ITPR2: variants seen among roughly 807,000 people sequenced by gnomAD.
ITPR2 encodes the protein inositol 1,4,5-trisphosphate receptor type 2, also known as inositol 1,4,5-trisphosphate-gated calcium channel ITPR2.
Under a neutral mutation model 317.1 loss-of-function variants are expected in ITPR2, and 207 were observed. The ratio of observed to expected loss-of-function variants is 0.65; its 90% CI spans 0.58 to 0.73. The LOEUF is 0.73. Among genes scored for constraint, ITPR2 ranks in the 30% least tolerant of loss-of-function variants. The probability of loss-of-function intolerance (pLI) is 0.00; values close to 1 mark genes in which losing one functional copy is unlikely to be tolerated. For synonymous variants in ITPR2, 1,156 were observed against 1,149.1 expected, an observed-to-expected ratio of 1.01 and a Z score of -0.12; for missense variants, 2,613 against 3,284.0, an observed-to-expected ratio of 0.80 and a Z score of 4.99.
At chr12:26,626,033 C>T (rs1313788006) in intron 23 of ITPR2, among the ~76,000 whole-genome samples, 4 of 152,194 alleles carry the variant, frequency 2.6e-5, no homozygotes, top group Non-Finnish European at 4.4e-5. Flanking sequence ...ACAACTTCAA[C>T]TCACTGCAGC....
chr12:26,572,993 TTTCA>T (rs1591916485), intron 34 of ITPR2, among the ~76,000 whole-genome samples: 4 of 150,876 alleles, frequency 2.7e-5, no homozygotes, highest in East Asian at 1.9e-4. Flanking sequence ...GAAACTTGGA[TTTCA>T]TTTATTTATT....
intron 51 of ITPR2, among the ~76,000 whole-genome samples, chr12:26,414,056 C>CAT (rs1940643081): frequency 7.0e-6 from 1 of 143,176 alleles, no homozygotes; most frequent in African/African-American, 2.6e-5. Context: ...TATGTACACA[C>CAT]ACACACACAC....
At chr12:26,687,309 A>G (rs1948145933) in intron 10 of ITPR2, among the ~76,000 whole-genome samples, 1 of 152,184 alleles carries the variant, frequency 6.6e-6, no homozygotes, top group Admixed American at 6.5e-5. Context: ...TACCCCATGG[A>G]AGAACTGGTT....
At chr12:26,486,412 T>TAAA in intron 40 of ITPR2, 52 bp from the exon 41 acceptor site, 1 of 1,218,418 alleles carries the variant, frequency 8.2e-7, no homozygotes, top group South Asian at 1.7e-5. Context: ...CTTTTACTAA[T>TAAA]TAAAAAAAAA....
chr12:26,528,830 G>A lies in ITPR2; in HGVS notation c.5073+21417C>T, dbSNP rs74072171. On this transcript the variant is annotated intron_variant, in intron 37 of 56. Coordinates refer to ENST00000381340, the MANE Select transcript of ITPR2 (RefSeq NM_002223.4). Reference sequence around the variant, plus strand: ...CATTTGCTGTGCTGTGTTGTGCACTGGAGGCACAGGGTGGGTGAGGTTCCT... The same window carrying A: ...CATTTGCTGTGCTGTGTTGTGCACTAGAGGCACAGGGTGGGTGAGGTTCCT... Among the ~76,000 whole-genome samples, 607 of 152,302 alleles carry A rather than the reference G, an allele frequency of 4.0e-3. 3 individuals are homozygous for A. Among genetic ancestry groups the A allele is most frequent in the African/African-American group, 0.014 (570 of 41,574 alleles).
At chr12:26,810,724 C>T (rs1950721318) in intron 1 of ITPR2, among the ~76,000 whole-genome samples, 1 of 152,214 alleles carries the variant, frequency 6.6e-6, no homozygotes. Flanking sequence ...GTATGGACAT[C>T]TTGACTTAGA....
chr12:26,599,909 A>C, intron 29 of ITPR2, 78 bp downstream of exon 29: 1 of 1,070,110 alleles, frequency 9.3e-7, no homozygotes, highest in Non-Finnish European at 1.3e-6. Flanking sequence ...AGTGTAACAA[A>C]ATTCTCTTCA....
intron 15 of ITPR2, among the ~76,000 whole-genome samples, chr12:26,660,582 ATTGGT>A (rs1198879272): frequency 1.5e-4 from 23 of 152,216 alleles, no homozygotes; most frequent in Admixed American, 1.2e-3. Context: ...TGAAAATGAT[ATTGGT>A]TGCACAAATC....
chr12:26,830,177 T>A (rs1951078494), intron 1 of ITPR2, among the ~76,000 whole-genome samples: 1 of 152,242 alleles, frequency 6.6e-6, no homozygotes, highest in Non-Finnish European at 1.5e-5. Flanking sequence ...GTGCTGGGAT[T>A]ACAGGCATGA....
At chr12:26,779,004 T>A (rs918697067) in intron 2 of ITPR2, among the ~76,000 whole-genome samples, 41 of 152,170 alleles carry the variant, frequency 2.7e-4, no homozygotes, top group Non-Finnish European at 4.0e-4. Flanking sequence ...TTACTCCAAC[T>A]CATTTATTGA....
At chr12:26,457,074 C>T (rs972282961) in intron 45 of ITPR2, among the ~76,000 whole-genome samples, 3 of 152,118 alleles carry the variant, frequency 2.0e-5, no homozygotes, top group Non-Finnish European at 4.4e-5. Context: ...AAGCTCCTGC[C>T]CTCCTAGAGC....
At chr12:26,518,958 T>C (rs901789286) in intron 37 of ITPR2, among the ~76,000 whole-genome samples, 15 of 152,096 alleles carry the variant, frequency 9.9e-5, no homozygotes, top group Non-Finnish European at 2.2e-4. Context: ...AATAAATTTC[T>C]AGAAAAATAA....
chr12:26,517,985 A>G (rs1384208052), intron 37 of ITPR2, among the ~76,000 whole-genome samples: 1 of 152,266 alleles, frequency 6.6e-6, no homozygotes, highest in Admixed American at 6.5e-5. Flanking sequence ...AACTTAAAAC[A>G]GAACTACCAT....
rs139469559 is a variant in ITPR2 at position 26,472,245 on chromosome 12, A to G, written c.6342+3051T>C. 5.5e-4 allele frequency among the ~76,000 whole-genome samples: 84 copies of G among 152,310 alleles called. 2 individuals carry two copies. The highest frequency in any genetic ancestry group is 1.7e-3 in the African/African-American group (71 of 41,564). ...CATACAACTGGCCTACTTTTCTTCC[A>G]TACCTATGCCCTCTTTGGGTTCTAA... On this transcript the variant is annotated intron_variant, in intron 45 of 56. Transcript: ENST00000381340.
At chr12:26,804,798 C>T (rs893991899) in intron 1 of ITPR2, among the ~76,000 whole-genome samples, 3 of 152,222 alleles carry the variant, frequency 2.0e-5, no homozygotes, top group Admixed American at 2.0e-4. Flanking sequence ...TGCAGTGCTG[C>T]AATCCTGGCT....
chr12:26,410,542 C>T (rs1037670083), intron 52 of ITPR2, among the ~76,000 whole-genome samples: 1 of 152,160 alleles, frequency 6.6e-6, no homozygotes. Context: ...ATGCTTAACT[C>T]TTTCTTCCCT....
intron 37 of ITPR2, among the ~76,000 whole-genome samples, chr12:26,534,284 T>C (rs1365241106): frequency 2.0e-5 from 3 of 152,256 alleles, no homozygotes; most frequent in African/African-American, 7.2e-5. Context: ...CAAAATTGTA[T>C]GCAAACATGT....
At chr12:26,693,602 T>A (rs1297674346) in intron 10 of ITPR2, among the ~76,000 whole-genome samples, 1 of 152,236 alleles carries the variant, frequency 6.6e-6, no homozygotes, top group Non-Finnish European at 1.5e-5. Context: ...GCCAGGTAAA[T>A]ACTTGTTATA....
chr12:26,339,810 T>A (rs1172206275), intron 56 of ITPR2, among the ~76,000 whole-genome samples: 2 of 152,216 alleles, frequency 1.3e-5, no homozygotes, highest in Non-Finnish European at 2.9e-5. Flanking sequence ...ATAAAGGGGT[T>A]CATTATAGCA....
Sources: gnomAD v4.1 joint callset for allele counts (sites outside exome capture counted in the v4.1 genomes callset) on GRCh38, gnomAD v4.1.1 for gene constraint, MANE v1.5 for transcripts, NCBI Gene and HGNC (gene_info 2026-07-23, HGNC 2026-07-21) for gene names.